CTTNBP2: variants seen among roughly 807,000 people sequenced by gnomAD.
CTTNBP2 encodes cortactin-binding protein 2.
A neutral mutation model predicts 156.9 loss-of-function variants in CTTNBP2; 108 were observed. The observed-to-expected ratio is 0.69, with a 90% CI of 0.59 to 0.81. The LOEUF is 0.81. CTTNBP2 is among the 30% of genes least tolerant of loss of function. The pLI is 0.00. For synonymous variants in CTTNBP2, 767 were observed against 751.8 expected, an observed-to-expected ratio of 1.02 and a Z score of -0.33; for missense variants, 1,924 against 2,035.4, an observed-to-expected ratio of 0.95 and a Z score of 1.05.
intron 1 of CTTNBP2, among the ~76,000 whole-genome samples, chr7:117,864,830 A>G (rs986110040): frequency 2.1e-5 from 3 of 141,896 alleles, no homozygotes; most frequent in Non-Finnish European, 3.1e-5. Context: ...ATATATATTC[A>G]TATATATTCA....
At chr7:117,805,380 T>C (rs1328084253) in intron 3 of CTTNBP2, among the ~76,000 whole-genome samples, 2 of 152,166 alleles carry the variant, frequency 1.3e-5, no homozygotes, top group Non-Finnish European at 2.9e-5. Flanking sequence ...CGAGTGGCTA[T>C]AGGAAAGTCA....
intron 5 of CTTNBP2, 110 bp from the exon 6 acceptor site, chr7:117,783,071 C>T: frequency 1.5e-6 from 1 of 668,604 alleles, no homozygotes; most frequent in Admixed American, 3.0e-5. Flanking sequence ...CTCCCCTGCA[C>T]AGTTCATCTC....
At chr7:117,780,135 GA>G (rs1798335814) in intron 7 of CTTNBP2, among the ~76,000 whole-genome samples, 1 of 152,022 alleles carries the variant, frequency 6.6e-6, no homozygotes, top group Non-Finnish European at 1.5e-5. Flanking sequence ...ATTATTTGTT[GA>G]ATGAATAAAA....
chr7:117,796,695 T>G (rs929593904), intron 3 of CTTNBP2, among the ~76,000 whole-genome samples: 23 of 152,238 alleles, frequency 1.5e-4, no homozygotes, highest in African/African-American at 5.5e-4. Flanking sequence ...ACTATTTGTA[T>G]TATTTTAAAA....
chr7:117,873,112 G>A (rs1231141580), intron 1 of CTTNBP2, among the ~76,000 whole-genome samples: 1 of 152,216 alleles, frequency 6.6e-6, no homozygotes, highest in Non-Finnish European at 1.5e-5. Flanking sequence ...GTGGGGCGCG[G>A]AAGGGACAGG....
intron 8 of CTTNBP2, among the ~76,000 whole-genome samples, chr7:117,775,933 C>A (rs1308571900): frequency 6.6e-6 from 1 of 152,124 alleles, no homozygotes; most frequent in Non-Finnish European, 1.5e-5. Context: ...ACAAACAATA[C>A]CTCCAGACTG....
chr7:117,839,204 G>T (rs1183081766), intron 2 of CTTNBP2, among the ~76,000 whole-genome samples: 2 of 152,158 alleles, frequency 1.3e-5, no homozygotes, highest in Non-Finnish European at 2.9e-5. Flanking sequence ...CTGTCTGGCA[G>T]ATAAGCACCC....
intron 4 of CTTNBP2, 24 bp from the exon 5 acceptor site, chr7:117,784,478 T>G (rs1798602832): frequency 1.3e-6 from 2 of 1,534,244 alleles, no homozygotes; most frequent in African/African-American, 2.8e-5. Context: ...TGACCCTCGT[T>G]AGAGAGTAGG....
chr7:117,842,212 T>C (rs1802316208), intron 2 of CTTNBP2, among the ~76,000 whole-genome samples: 1 of 152,200 alleles, frequency 6.6e-6, no homozygotes, highest in African/African-American at 2.4e-5. Context: ...AAAAAGTCTT[T>C]TTTTTAAAAC....
chr7:117,797,770 A>G (rs1336234996), intron 3 of CTTNBP2, among the ~76,000 whole-genome samples: 1 of 152,222 alleles, frequency 6.6e-6, no homozygotes, highest in African/African-American at 2.4e-5. Flanking sequence ...GCATAGAAAA[A>G]AAGATTGAAA....
At chr7:117,724,882 G>T in intron 18 of CTTNBP2, 150 bp from the exon 19 acceptor site, 2 of 1,086,780 alleles carry the variant, frequency 1.8e-6, no homozygotes, top group Non-Finnish European at 2.6e-6. Context: ...AACTTTACTT[G>T]GAGGTCTAGA....
chr7:117,844,574 T>A (rs150504456), intron 2 of CTTNBP2, among the ~76,000 whole-genome samples: 1 of 152,248 alleles, frequency 6.6e-6, no homozygotes, highest in East Asian at 1.9e-4. Context: ...CAAAAAGGAA[T>A]TGCAGTCAAC....
chr7:117,873,232 A>C (rs1404943450), intron 1 of CTTNBP2, 103 bp downstream of exon 1: 43 of 902,540 alleles, frequency 4.8e-5, no homozygotes, highest in Non-Finnish European at 6.2e-5. Context: ...TCCCGGGCTT[A>C]CGGAACGCCC....
intron 4 of CTTNBP2, chr7:117,786,315 ACTTTATG>A: frequency 3.0e-6 from 1 of 332,178 alleles, no homozygotes; most frequent in East Asian, 9.1e-5. Flanking sequence ...ATTTATCTAA[ACTTTATG>A]ATATTTTCCT....
At chr7:117,866,591 T>C (rs912070420) in intron 1 of CTTNBP2, among the ~76,000 whole-genome samples, 6 of 152,272 alleles carry the variant, frequency 3.9e-5, no homozygotes, top group South Asian at 4.1e-4. Flanking sequence ...GGTGGGGTGA[T>C]GAGCAATGTG....
intron 1 of CTTNBP2, among the ~76,000 whole-genome samples, chr7:117,864,567 T>C (rs1803982256): frequency 6.7e-6 from 1 of 149,310 alleles, no homozygotes; most frequent in Non-Finnish European, 1.5e-5. Flanking sequence ...TATAAAGCAC[T>C]TTAGCATTTT....
chr7:117,864,326 C>T lies in CTTNBP2; in HGVS notation c.82-3010G>A, dbSNP rs34693983. On this transcript the variant is annotated intron_variant, in intron 1 of 22. Coordinates refer to ENST00000160373, the MANE Select transcript of CTTNBP2 (RefSeq NM_033427.3). Reference sequence around the variant, plus strand: ...GATGTACTGTTTGAAACATACAGTGCATCTGTCTGCTTGTCTCTCTTCCCT... The same window carrying T: ...GATGTACTGTTTGAAACATACAGTGTATCTGTCTGCTTGTCTCTCTTCCCT... Among the ~76,000 whole-genome samples the T allele has an allele frequency of 4.6e-5, 7 of 152,016 alleles. No individual in the cohort carries two copies. In the East Asian group the frequency reaches 1.3e-3, roughly 29 times the overall value.
intron 20 of CTTNBP2, among the ~76,000 whole-genome samples, chr7:117,719,971 A>G (rs1283336240): frequency 5.3e-5 from 8 of 152,174 alleles, no homozygotes; most frequent in African/African-American, 9.7e-5. Flanking sequence ...AAATGGGACA[A>G]ACACGGATTT....
At chr7:117,768,581 A>AAAAAAAAAAAAAAAAG (rs1554419704) in intron 8 of CTTNBP2, among the ~76,000 whole-genome samples, 3 of 99,112 alleles carry the variant, frequency 3.0e-5, no homozygotes, top group African/African-American at 9.5e-5. Context: ...AAAAAAAAAA[A>AAAAAAAAAAAAAAAAG]AAAGAAAGAA....
Sources: gnomAD v4.1 joint callset for allele counts (sites outside exome capture counted in the v4.1 genomes callset) on GRCh38, gnomAD v4.1.1 for gene constraint, MANE v1.5 for transcripts, NCBI Gene and HGNC (gene_info 2026-07-23, HGNC 2026-07-21) for gene names.